SLC12A8: variants seen among roughly 807,000 people sequenced by gnomAD.
SLC12A8 encodes the protein solute carrier family 12 member 8.
In SLC12A8, 69 loss-of-function variants were observed where a neutral mutation model predicts 75.6. The ratio of observed to expected loss-of-function variants is 0.91; its 90% CI spans 0.75 to 1.11. The LOEUF is 1.11. SLC12A8 is among the 50% of genes most tolerant of loss of function. The pLI is 0.00. For synonymous variants in SLC12A8, 365 were observed against 372.8 expected (o/e 0.98, Z 0.24); for missense variants, 877 against 896.7 (o/e 0.98, Z 0.28).
intron 5 of SLC12A8, among the ~76,000 whole-genome samples, chr3:125,166,436 T>C (rs967555882): frequency 5.3e-5 from 8 of 152,294 alleles, no homozygotes; most frequent in South Asian, 2.1e-4. Context: ...AGTTTCCGTA[T>C]TGGGACAAGA....
intron 5 of SLC12A8, among the ~76,000 whole-genome samples, chr3:125,175,972 T>A (rs751872244): frequency 2.0e-4 from 31 of 151,714 alleles, no homozygotes; most frequent in South Asian, 1.0e-3. Flanking sequence ...ACTCAGGGAG[T>A]TCAGGGGAGT....
At chr3:125,142,884 C>T (rs1043668068) in intron 5 of SLC12A8, among the ~76,000 whole-genome samples, 2 of 152,204 alleles carry the variant, frequency 1.3e-5, no homozygotes, top group African/African-American at 4.8e-5. Context: ...GAGGTAAAAT[C>T]CCAAACCAGC....
rs534084495 is a variant in SLC12A8, at chr3:125,132,318, C to T, written c.736+3351G>A. 7.9e-5 allele frequency among the ~76,000 whole-genome samples: 12 copies of T among 152,272 alleles called. No homozygotes were observed. In the South Asian group the frequency reaches 1.5e-3, roughly 18 times the overall value. ...AAATCTGGATTTGTAGACCAGGATT[C>T]GACCTGCCACTTCCAAGCCCTAGTT... is the stretch of plus-strand genomic sequence containing the variant. On this transcript the variant is annotated intron_variant, in intron 6 of 13. Transcript: ENST00000469902.
intron 13 of SLC12A8, among the ~76,000 whole-genome samples, chr3:125,084,889 C>G (rs1938420832): frequency 6.6e-6 from 1 of 152,196 alleles, no homozygotes; most frequent in Non-Finnish European, 1.5e-5. Flanking sequence ...TGGATTTCCT[C>G]TTAAAATTTT....
rs1035576986 is a variant in SLC12A8, at chr3:125,082,857, A to G, written c.*1033T>C. Reference sequence around the variant, plus strand: ...TGCTCATCATTGTGGAACTGGCGAAATAAATTATAACACATTTATACAATG... The same window carrying G: ...TGCTCATCATTGTGGAACTGGCGAAGTAAATTATAACACATTTATACAATG... On this transcript the variant is annotated 3_prime_UTR_variant, in exon 14 of 14. Transcript: ENST00000469902. The G allele has an allele frequency of 2.6e-5, 4 of 152,256 alleles. No individual in the cohort carries two copies. The highest frequency in any genetic ancestry group is 2.1e-4 in the South Asian group (1 of 4,832). 9.4% of individuals were successfully genotyped at this position (152,256 alleles called of 1,614,324 possible). A position where few individuals can be genotyped will look rare whatever the true frequency, so the allele number is the denominator to read the frequency against.
chr3:125,123,637 C>T (rs1195973393), intron 6 of SLC12A8: 1 of 152,022 alleles, frequency 6.6e-6, no homozygotes, highest in African/African-American at 2.4e-5. Context: ...TAGGGGAACT[C>T]CTATTTATAA....
At chr3:125,093,067 A>G (rs1288765481) in intron 10 of SLC12A8, among the ~76,000 whole-genome samples, 1 of 152,204 alleles carries the variant, frequency 6.6e-6, no homozygotes, top group Non-Finnish European at 1.5e-5. Flanking sequence ...GCTCCCACTT[A>G]TAAGTGAAGA....
rs574224605 is a variant in SLC12A8 at position 125,105,702 on chromosome 3, G to T, written c.1705+1779C>A. On this transcript the variant is annotated intron_variant, in intron 10 of 13. Coordinates refer to ENST00000469902, the MANE Select transcript of SLC12A8 (RefSeq NM_024628.6). Reference sequence around the variant, plus strand: ...AAACTGTGAGATAACTACTCTGGGGGCATTAAATAAGGAGAAGTCAGAGTG... The same window carrying T: ...AAACTGTGAGATAACTACTCTGGGGTCATTAAATAAGGAGAAGTCAGAGTG... 2.0e-5 allele frequency among the ~76,000 whole-genome samples: 3 copies of T among 152,288 alleles called. No homozygotes were observed. The South Asian group carries it at 6.2e-4, about 32-fold the overall frequency.
In SLC12A8 at chr3:125,128,177, A is replaced by ATTTT. The variant is rs776219498; in HGVS notation, c.736+7488_736+7491dup. Among the ~76,000 whole-genome samples, 40 of 98,326 alleles carry ATTTT rather than the reference A, an allele frequency of 4.1e-4. 11 individuals carry two copies. The highest frequency in any genetic ancestry group is 6.6e-4 in the Non-Finnish European group (30 of 45,288). 64.5% of individuals were successfully genotyped at this position (98,326 alleles called of 152,430 possible). On this transcript the variant is annotated intron_variant, in intron 6 of 13. Transcript: ENST00000469902. Reference sequence around the variant, plus strand: ...GAGCCACCGTGCCCGGCCTAAGCTTATTTTTATTTTTTTTTTTTTTTGAGA... The same window carrying ATTTT: ...GAGCCACCGTGCCCGGCCTAAGCTTATTTTTTTTTATTTTTTTTTTTTTTTGAGA...
intron 5 of SLC12A8, among the ~76,000 whole-genome samples, chr3:125,176,214 A>C (rs143902302): frequency 4.9e-4 from 75 of 152,294 alleles, no homozygotes; most frequent in Non-Finnish European, 9.6e-4. Context: ...CAGCTTTAGC[A>C]TCAAACAGAT....
Position 125,083,748 on chromosome 3 carries a change from A to G in SLC12A8, c.*142T>C. Reference sequence around the variant, plus strand: ...AAAAAAAAAAAAAAGGGAAAAGAAAATGTAGATTTCCATTGTCCAAAGTGA... The same window carrying G: ...AAAAAAAAAAAAAAGGGAAAAGAAAGTGTAGATTTCCATTGTCCAAAGTGA... On this transcript the variant is annotated 3_prime_UTR_variant, in exon 14 of 14. Transcript: ENST00000469902. 1 of 833,126 alleles carries G rather than the reference A, an allele frequency of 1.2e-6. No individual in the cohort carries two copies. Among genetic ancestry groups the G allele is most frequent in the South Asian group, 2.1e-5 (1 of 48,574 alleles). The allele number at this position is 833,126 out of a possible 1,614,324, so 51.6% of individuals were successfully genotyped here. A position where few individuals can be genotyped will look rare whatever the true frequency, so the allele number is the denominator to read the frequency against.
intron 10 of SLC12A8, among the ~76,000 whole-genome samples, chr3:125,096,989 A>G (rs1023815958): frequency 2.0e-5 from 3 of 152,250 alleles, no homozygotes; most frequent in African/African-American, 7.2e-5. Flanking sequence ...TAACAATTTA[A>G]TTAATGGCAA....
intron 2 of SLC12A8, among the ~76,000 whole-genome samples, chr3:125,194,950 T>C (rs563899166): frequency 5.9e-5 from 9 of 152,382 alleles, no homozygotes; most frequent in African/African-American, 2.2e-4. Context: ...CGGCCCCATG[T>C]GCTGGACCAC....
At chr3:125,192,768 GGT>G (rs1934931357) in intron 2 of SLC12A8, 1 of 154,336 alleles carries the variant, frequency 6.5e-6, no homozygotes. Context: ...GATATTGAGG[GGT>G]GTGTACCTAC....
chr3:125,105,971 A>G (rs1391747098), intron 10 of SLC12A8, among the ~76,000 whole-genome samples: 1 of 152,338 alleles, frequency 6.6e-6, no homozygotes, highest in Admixed American at 6.5e-5. Flanking sequence ...TGGAGGTTGC[A>G]GTGAGCTGAG....
chr3:125,197,272 A>G (rs1238007773), intron 2 of SLC12A8, among the ~76,000 whole-genome samples: 1 of 141,306 alleles, frequency 7.1e-6, no homozygotes, highest in Non-Finnish European at 1.5e-5. Context: ...CTGAGTCCAT[A>G]CAGACATAAA....
At chr3:125,143,449 C>T (rs1259596332) in intron 5 of SLC12A8, among the ~76,000 whole-genome samples, 2 of 152,222 alleles carry the variant, frequency 1.3e-5, no homozygotes, top group African/African-American at 2.4e-5. Flanking sequence ...CTTCCTCGGA[C>T]CACAGTCTCC....
At chr3:125,115,395 T>C (rs976580703) in intron 8 of SLC12A8, among the ~76,000 whole-genome samples, 13 of 152,112 alleles carry the variant, frequency 8.5e-5, no homozygotes, top group African/African-American at 3.1e-4. Context: ...TGGTGGCATG[T>C]GCCTGTAATC....
intron 5 of SLC12A8, among the ~76,000 whole-genome samples, chr3:125,173,503 A>C (rs1579523219): frequency 6.7e-6 from 1 of 149,948 alleles, no homozygotes; most frequent in African/African-American, 2.4e-5. Context: ...CTCATCTTAC[A>C]CCCTTCACAA....
Sources: allele counts gnomAD v4.1 joint callset (sites outside exome capture counted in the v4.1 genomes callset), GRCh38; gene constraint gnomAD v4.1.1; transcripts MANE v1.5; gene names NCBI Gene and HGNC (gene_info 2026-07-23, HGNC 2026-07-21).